Variants in LMAN2 observed in about 807,000 individuals in gnomAD.
The protein encoded by LMAN2 is lectin, mannose binding 2.
Under a neutral mutation model 39.3 loss-of-function variants are expected in LMAN2, and 22 were observed. The observed-to-expected ratio is 0.56, with a 90% CI of 0.40 to 0.80. The LOEUF is 0.80. LMAN2 is among the 30% of genes least tolerant of loss of function. The pLI, the probability that LMAN2 is intolerant of heterozygous loss-of-function variation, is 0.00. For synonymous variants in LMAN2, 207 were observed against 207.8 expected (o/e 1.00, Z 0.03); for missense variants, 494 against 505.4 (o/e 0.98, Z 0.22).
At chr5:177,343,408 G>C (rs565972533) in intron 2 of LMAN2, among the ~76,000 whole-genome samples, 70 of 152,294 alleles carry the variant, frequency 4.6e-4, no homozygotes, top group African/African-American at 1.5e-3. Context: ...ATGATCCAGA[G>C]ATTCTACTTC....
intron 2 of LMAN2, among the ~76,000 whole-genome samples, chr5:177,347,630 A>C (rs1456644540): frequency 1.3e-5 from 2 of 152,172 alleles, no homozygotes; most frequent in African/African-American, 4.8e-5. Context: ...GGCCAACTAC[A>C]TCAGAATCAC....
intron 2 of LMAN2, among the ~76,000 whole-genome samples, chr5:177,345,218 G>A (rs563596227): frequency 3.3e-5 from 5 of 150,772 alleles, no homozygotes; most frequent in South Asian, 4.2e-4. Context: ...GGTGGTGTGC[G>A]CCTGTAGTCC....
chr5:177,341,064 CTTTTT>C (rs1298735934), intron 2 of LMAN2, among the ~76,000 whole-genome samples: 2 of 108,944 alleles, frequency 1.8e-5, no homozygotes, highest in Admixed American at 9.7e-5. Context: ...CTTTTTTTTT[CTTTTT>C]TTTTTTTTTT....
intron 2 of LMAN2, among the ~76,000 whole-genome samples, chr5:177,342,612 A>G (rs887190582): frequency 6.6e-6 from 1 of 152,078 alleles, no homozygotes; most frequent in Non-Finnish European, 1.5e-5. Context: ...CTTGAGCTGG[A>G]GAGGTCAAGG....
chr5:177,349,100 C>T (rs1350752360), intron 2 of LMAN2, among the ~76,000 whole-genome samples: 2 of 152,144 alleles, frequency 1.3e-5, no homozygotes, highest in African/African-American at 2.4e-5. Flanking sequence ...CCGCAGCCTC[C>T]GCACAAGACC....
intron 2 of LMAN2, among the ~76,000 whole-genome samples, chr5:177,348,452 C>T (rs532872312): frequency 4.6e-5 from 7 of 152,010 alleles, no homozygotes; most frequent in South Asian, 2.1e-4. Context: ...TTTGGGAGGC[C>T]GAGGTGGGCA....
At chr5:177,336,895 C>CATGA in intron 6 of LMAN2, 4 of 572,846 alleles carry the variant, frequency 7.0e-6, no homozygotes, top group Non-Finnish European at 1.2e-5. Flanking sequence ...TCAGAAACCA[C>CATGA]AGGAACTGAG....
intron 1 of LMAN2, 51 bp from the exon 2 acceptor site, chr5:177,351,342 G>C: frequency 2.5e-6 from 4 of 1,609,520 alleles, no homozygotes; most frequent in Non-Finnish European, 3.4e-6. Flanking sequence ...GGCCTCACCA[G>C]AGGCAGGAAA....
rs552348926 is a variant in LMAN2, at chr5:177,348,642, C to T, written c.315+2531G>A. ...GGTGGAGGTTGCAGTGAGCTGAGATCGCACCACTGCATTCCAGCCTGGGTG... is the reference window on the plus strand; with the variant it reads ...GGTGGAGGTTGCAGTGAGCTGAGATTGCACCACTGCATTCCAGCCTGGGTG... On this transcript the variant is annotated intron_variant, in intron 2 of 7. Transcript: ENST00000303127. Among the ~76,000 whole-genome samples the T allele has an allele frequency of 6.4e-5, 9 of 141,376 alleles. No individual in the cohort carries two copies. In the South Asian group the frequency reaches 1.6e-3, roughly 25 times the overall value. The allele number at this position is 141,376 out of a possible 152,430, so 92.7% of individuals were successfully genotyped here. A position where few individuals can be genotyped will look rare whatever the true frequency, so the allele number is the denominator to read the frequency against.
At chr5:177,334,113 T>C (rs1761433163) in intron 7 of LMAN2, among the ~76,000 whole-genome samples, 171 bp downstream of exon 7, 1 of 152,208 alleles carries the variant, frequency 6.6e-6, no homozygotes, top group Admixed American at 6.5e-5. Flanking sequence ...CCCAATACTC[T>C]AGGAGCTCGG....
In LMAN2 at chr5:177,337,640, G is replaced by A; in HGVS notation, c.513+66C>T. 1.9e-6 allele frequency: 3 copies of A among 1,602,696 alleles called. No homozygotes were observed. The highest frequency in any genetic ancestry group is 4.5e-5 in the East Asian group (2 of 44,608). ...GTGCTGGGACCATGGAAGTCCCAGG[G>A]CCCCCTCCTCTAGCCGACTGCCCAG... On this transcript the variant is annotated intron_variant, in intron 4 of 7. Transcript: ENST00000303127. This position sits in a 1 kb window ranked among gnomAD's most constrained non-coding sequence, Gnocchi z 8.2.
chr5:177,344,281 CTTTTTT>C (rs59101629), intron 2 of LMAN2, among the ~76,000 whole-genome samples: 5 of 82,288 alleles, frequency 6.1e-5, no homozygotes, highest in African/African-American at 2.1e-4. Context: ...CGCTTTGTTA[CTTTTTT>C]TTTTTTTTTT....
Position 177,337,613 on chromosome 5 carries a change from T to C in LMAN2, c.514-89A>G. On this transcript the variant is annotated intron_variant, in intron 4 of 7. Coordinates refer to ENST00000303127, the MANE Select transcript of LMAN2 (RefSeq NM_006816.3). The surrounding 1 kb of genome is among the most constrained non-coding windows in gnomAD (Gnocchi z 8.2). ...CCACCCCAATCCCTGGAGGCTCCTC[T>C]TGTGCTGGGACCATGGAAGTCCCAG... 1 of 1,605,252 alleles carries C rather than the reference T, an allele frequency of 6.2e-7. No individual in the cohort carries two copies. The highest frequency in any genetic ancestry group is 8.5e-7 in the Non-Finnish European group (1 of 1,174,828).
At chr5:177,334,596 G>A in intron 6 of LMAN2, 193 bp from the exon 7 acceptor site, 2 of 622,920 alleles carry the variant, frequency 3.2e-6, no homozygotes, top group Non-Finnish European at 5.2e-6. Context: ...AAAGAGAGGA[G>A]GCAGAGTGGA....
chr5:177,344,908 A>AAAAAGAAAAG (rs538648631), intron 2 of LMAN2, among the ~76,000 whole-genome samples: 2 of 151,502 alleles, frequency 1.3e-5, no homozygotes, highest in East Asian at 1.9e-4. Flanking sequence ...CCTGTCTCAA[A>AAAAAGAAAAG]AAAAGAAAAG....
At chr5:177,342,063 G>T (rs1453617324) in intron 2 of LMAN2, among the ~76,000 whole-genome samples, 3 of 152,030 alleles carry the variant, frequency 2.0e-5, no homozygotes, top group African/African-American at 7.3e-5. Context: ...TAAGATAGCA[G>T]ATTAAACCCA....
At position 177,351,574 on chromosome 5, in the gene LMAN2, G is replaced by C. The variant is rs2127321133; in HGVS notation, c.74C>G (p.Pro25Arg). 1 of 1,613,876 alleles carries C rather than the reference G, an allele frequency of 6.2e-7. No homozygotes were observed. Among genetic ancestry groups the C allele is most frequent in the East Asian group, 2.2e-5 (1 of 44,882 alleles). ...RCLGRPGLLGPGPGPTTPLFL... is the reference protein window; with the variant it reads ...RCLGRPGLLGRGPGPTTPLFL... ...GAGAGGTGTAGTGGGGCCAGGGCCG[G>C]GGCCGAGAAGCCCAGGCCTTCCCAG... Residue 25 changes from proline to arginine, a missense_variant, in exon 1 of 8, where the codon CCC becomes CGC. Transcript: ENST00000303127.
intron 7 of LMAN2, among the ~76,000 whole-genome samples, chr5:177,333,465 T>G (rs1255914693): frequency 6.6e-6 from 1 of 152,274 alleles, no homozygotes; most frequent in African/African-American, 2.4e-5. Flanking sequence ...AAGGTTTGTG[T>G]GGTCCCCAAA....
At chr5:177,343,988 T>C (rs945110115) in intron 2 of LMAN2, among the ~76,000 whole-genome samples, 14 of 151,870 alleles carry the variant, frequency 9.2e-5, no homozygotes, top group Non-Finnish European at 1.5e-4. Flanking sequence ...GGCAGGAGGA[T>C]TGCTTGAGGC....
Sources: gnomAD v4.1 joint callset for allele counts (sites outside exome capture counted in the v4.1 genomes callset) on GRCh38, gnomAD v4.1.1 for gene constraint, Gnocchi (gnomAD v3.1) non-coding constraint, MANE v1.5 for transcripts, NCBI Gene and HGNC (gene_info 2026-07-23, HGNC 2026-07-21) for gene names.